The following DGKB variants were observed in gnomAD, a reference collection of about 807,000 sequenced individuals.
The protein encoded by DGKB is diacylglycerol kinase beta.
DGKB carries 67 observed loss-of-function variants against 114.3 expected under a neutral mutation model. The observed-to-expected ratio is 0.59, with a 90% CI of 0.48 to 0.72. The LOEUF (loss-of-function observed/expected upper bound fraction) is 0.72, where lower values mean the gene tolerates loss of function less well. Ranked by LOEUF, DGKB falls within the 30% of genes least tolerant of loss-of-function variation. The probability of loss-of-function intolerance (pLI) is 0.00; values close to 1 mark genes in which losing one functional copy is unlikely to be tolerated. For synonymous variants in DGKB, 398 were observed against 323.1 expected, an observed-to-expected ratio of 1.23 and a Z score of -2.49; for missense variants, 907 against 975.2, an observed-to-expected ratio of 0.93 and a Z score of 0.93.
chr7:14,605,015 T>C (rs1804222548), intron 17 of DGKB, among the ~76,000 whole-genome samples: 1 of 152,116 alleles, frequency 6.6e-6, no homozygotes, highest in African/African-American at 2.4e-5. Flanking sequence ...CTTTTGACAT[T>C]GAATATTTTC....
At chr7:14,445,746 T>C (rs1257673558) in intron 21 of DGKB, among the ~76,000 whole-genome samples, 1 of 152,006 alleles carries the variant, frequency 6.6e-6, no homozygotes, top group Non-Finnish European at 1.5e-5. Flanking sequence ...TATCAAAAAA[T>C]AGTGTCCCTA....
intron 20 of DGKB, among the ~76,000 whole-genome samples, chr7:14,522,669 T>C (rs1390630072): frequency 6.6e-6 from 1 of 152,176 alleles, no homozygotes; most frequent in Non-Finnish European, 1.5e-5. Context: ...CTGAAGTTCA[T>C]GCATTTTATT....
chr7:14,596,498 G>C (rs1173473608), intron 17 of DGKB, among the ~76,000 whole-genome samples: 1 of 152,150 alleles, frequency 6.6e-6, no homozygotes, highest in Non-Finnish European at 1.5e-5. Flanking sequence ...ATGGGGATAT[G>C]CCTGGAAGTC....
intron 14 of DGKB, among the ~76,000 whole-genome samples, chr7:14,626,776 T>C (rs369662441): frequency 1.7e-4 from 26 of 152,210 alleles, no homozygotes; most frequent in African/African-American, 5.3e-4. Context: ...TTTTTAATTA[T>C]AAAGTTTTAA....
intron 23 of DGKB, among the ~76,000 whole-genome samples, chr7:14,238,874 T>TA (rs34089854): frequency 0.46 from 70,010 of 151,690 alleles, 16,686 homozygotes; most frequent in African/African-American, 0.59. Context: ...TATGGGGTCT[T>TA]ACATTTTTAA....
At chr7:14,295,945 G>A (rs982627737) in intron 23 of DGKB, among the ~76,000 whole-genome samples, 3 of 151,840 alleles carry the variant, frequency 2.0e-5, no homozygotes, top group Non-Finnish European at 4.4e-5. Context: ...TTATGAGTGA[G>A]AACATGCAGT....
chr7:14,548,025 T>C (rs1257314256), intron 20 of DGKB, among the ~76,000 whole-genome samples: 2 of 152,230 alleles, frequency 1.3e-5, no homozygotes, highest in South Asian at 2.1e-4. Context: ...ATAACATCGT[T>C]ACCTTTATCT....
Position 14,772,364 on chromosome 7 carries a change from C to A in DGKB, c.71-14633G>T, listed in dbSNP as rs572288963. Among the ~76,000 whole-genome samples, 665 of 152,202 alleles carry A rather than the reference C, an allele frequency of 4.4e-3. 8 individuals carry two copies. Among genetic ancestry groups the A allele is most frequent in the African/African-American group, 0.015 (622 of 41,550 alleles). On this transcript the variant is annotated intron_variant, in intron 2 of 25. Coordinates refer to ENST00000402815, the MANE Select transcript of DGKB (RefSeq NM_001350709.2). ...CAATAAATAAAGTATGAAAAAAGAA[C>A]TGGTTCTACAGTTTGTCGCTAAACT... is the stretch of plus-strand genomic sequence containing the variant.
intron 13 of DGKB, among the ~76,000 whole-genome samples, chr7:14,639,330 G>A (rs1811312443): frequency 6.6e-6 from 1 of 152,344 alleles, no homozygotes; most frequent in South Asian, 2.1e-4. Context: ...CACTGGATGA[G>A]TGTTAGAGGC....
intron 1 of DGKB, among the ~76,000 whole-genome samples, chr7:14,896,108 C>A (rs939764476): frequency 6.6e-6 from 1 of 151,682 alleles, no homozygotes; most frequent in African/African-American, 2.4e-5. Context: ...GGTTTCCTCA[C>A]ATCAGAGATC....
At chr7:14,483,918 G>A (rs1405125952) in intron 20 of DGKB, among the ~76,000 whole-genome samples, 1 of 151,980 alleles carries the variant, frequency 6.6e-6, no homozygotes, top group South Asian at 2.1e-4. Flanking sequence ...ATTAAATTTG[G>A]ATTTATCATC....
chr7:14,620,275 T>C (rs1314671335), intron 15 of DGKB, among the ~76,000 whole-genome samples: 1 of 151,164 alleles, frequency 6.6e-6, no homozygotes, highest in Non-Finnish European at 1.5e-5. Context: ...TAATAATTTA[T>C]GAAAAATTTT....
chr7:14,615,803 G>A (rs1323275668), intron 15 of DGKB, among the ~76,000 whole-genome samples: 1 of 151,674 alleles, frequency 6.6e-6, no homozygotes, highest in Non-Finnish European at 1.5e-5. Context: ...ATCACATGTA[G>A]TCTTTCAATT....
chr7:14,661,218 C>G (rs962207836), intron 13 of DGKB, among the ~76,000 whole-genome samples: 8 of 149,770 alleles, frequency 5.3e-5, no homozygotes, highest in African/African-American at 2.0e-4. Context: ...TCTAATTAAA[C>G]TAAAGAGCTT....
At chr7:14,353,890 C>A (rs562142823) in intron 21 of DGKB, among the ~76,000 whole-genome samples, 1 of 152,028 alleles carries the variant, frequency 6.6e-6, no homozygotes, top group African/African-American at 2.4e-5. Context: ...ACTTGCTGTC[C>A]CCCTAAATTT....
At chr7:14,394,077 C>A (rs1291207542) in intron 21 of DGKB, among the ~76,000 whole-genome samples, 1 of 152,066 alleles carries the variant, frequency 6.6e-6, no homozygotes, top group Non-Finnish European at 1.5e-5. Context: ...ACAGTGGTAT[C>A]TAGAAATCAG....
intron 17 of DGKB, among the ~76,000 whole-genome samples, chr7:14,592,051 C>T (rs1563615672): frequency 6.6e-6 from 1 of 151,400 alleles, no homozygotes; most frequent in Non-Finnish European, 1.5e-5. Context: ...TACAATGTGG[C>T]TGTATGGGTT....
chr7:14,780,766 A>G (rs1448783736), intron 2 of DGKB, among the ~76,000 whole-genome samples: 1 of 152,168 alleles, frequency 6.6e-6, no homozygotes, highest in Non-Finnish European at 1.5e-5. Context: ...TTAGATAATT[A>G]AGATCTTATT....
intron 8 of DGKB, among the ~76,000 whole-genome samples, chr7:14,694,599 G>A (rs762521675): frequency 3.9e-5 from 6 of 152,160 alleles, no homozygotes; most frequent in Admixed American, 6.5e-5. Flanking sequence ...AGTAAGGGGC[G>A]AAGGAATTTA....
Sources: allele counts gnomAD v4.1 joint callset (sites outside exome capture counted in the v4.1 genomes callset), GRCh38; gene constraint gnomAD v4.1.1; transcripts MANE v1.5; gene names NCBI Gene and HGNC (gene_info 2026-07-23, HGNC 2026-07-21).